Variants in HCRTR2 observed in about 807,000 individuals in gnomAD.
HCRTR2 encodes hypocretin receptor 2.
A neutral mutation model predicts 49.0 loss-of-function variants in HCRTR2; 22 were observed. The ratio of observed to expected loss-of-function variants is 0.45; its 90% CI spans 0.32 to 0.64. The LOEUF (loss-of-function observed/expected upper bound fraction) is 0.64, where lower values mean the gene tolerates loss of function less well. Among genes scored for constraint, HCRTR2 ranks in the 30% least tolerant of loss-of-function variants. The pLI is 0.04. For missense variants in HCRTR2, 491 were observed against 559.4 expected (o/e 0.88, Z 1.23); for synonymous variants, 236 against 205.3 (o/e 1.15, Z -1.28).
At chr6:55,164,399 A>G (rs939858725) in intron 1 of HCRTR2, among the ~76,000 whole-genome samples, 1 of 152,222 alleles carries the variant, frequency 6.6e-6, no homozygotes, top group Non-Finnish European at 1.5e-5. Flanking sequence ...GATAGACTAG[A>G]TTAAGAAAAT....
chr6:55,155,109 T>G (rs1764713404), intron 1 of HCRTR2, among the ~76,000 whole-genome samples: 1 of 151,852 alleles, frequency 6.6e-6, no homozygotes, highest in Non-Finnish European at 1.5e-5. Flanking sequence ...TTCCATGCCA[T>G]GGTTTGGAAG....
At chr6:55,123,685 A>G (rs988226054) in intron 1 of HCRTR2, among the ~76,000 whole-genome samples, 2 of 152,174 alleles carry the variant, frequency 1.3e-5, no homozygotes, top group Non-Finnish European at 2.9e-5. Flanking sequence ...TGTTTGGAAT[A>G]GTTTCAGAAG....
intron 1 of HCRTR2, among the ~76,000 whole-genome samples, chr6:55,108,676 G>T (rs1764008104): frequency 6.6e-6 from 1 of 152,028 alleles, no homozygotes; most frequent in South Asian, 2.1e-4. Flanking sequence ...GAAGCCCAGG[G>T]AACCCATTTC....
chr6:55,200,894 A>G (rs1449562285), intron 1 of HCRTR2, among the ~76,000 whole-genome samples: 2 of 152,078 alleles, frequency 1.3e-5, no homozygotes, highest in Non-Finnish European at 2.9e-5. Flanking sequence ...ATAGTTTAAT[A>G]TTTTGTTATC....
chr6:55,246,380 T>G (rs973969012), intron 1 of HCRTR2, among the ~76,000 whole-genome samples: 1 of 151,888 alleles, frequency 6.6e-6, no homozygotes, highest in African/African-American at 2.4e-5. Context: ...AACAAGAACT[T>G]GCTAGTAATT....
At chr6:55,198,831 T>A (rs1436135131) in intron 1 of HCRTR2, among the ~76,000 whole-genome samples, 1 of 152,212 alleles carries the variant, frequency 6.6e-6, no homozygotes, top group Non-Finnish European at 1.5e-5. Context: ...CTAGTCCCCA[T>A]ACTGCCATCA....
At chr6:55,233,493 C>G (rs1234247374) in intron 1 of HCRTR2, among the ~76,000 whole-genome samples, 1 of 152,050 alleles carries the variant, frequency 6.6e-6, no homozygotes, top group Non-Finnish European at 1.5e-5. Flanking sequence ...AGTTTGAGAC[C>G]AGCCTGGACA....
At chr6:55,145,550 A>G (rs537825633) in intron 1 of HCRTR2, among the ~76,000 whole-genome samples, 12 of 151,988 alleles carry the variant, frequency 7.9e-5, no homozygotes, top group Non-Finnish European at 1.5e-4. Context: ...AGCTGGGACT[A>G]CAGACGCCCG....
chr6:55,107,749 G>A (rs1763995185), intron 1 of HCRTR2, among the ~76,000 whole-genome samples: 3 of 151,858 alleles, frequency 2.0e-5, no homozygotes, highest in African/African-American at 7.3e-5. Context: ...ATACATCCTG[G>A]TATAGTTTTG....
At chr6:55,115,558 C>A (rs1764105476) in intron 1 of HCRTR2, among the ~76,000 whole-genome samples, 2 of 151,040 alleles carry the variant, frequency 1.3e-5, no homozygotes, top group African/African-American at 4.9e-5. Flanking sequence ...AGGTAAAGTG[C>A]TTAGCGTAGT....
chr6:55,205,302 G>A (rs1305444322), intron 1 of HCRTR2, among the ~76,000 whole-genome samples: 1 of 152,096 alleles, frequency 6.6e-6, no homozygotes, highest in African/African-American at 2.4e-5. Context: ...ATTGAGACAT[G>A]GAGTACTATC....
upstream of HCRTR2, among the ~76,000 whole-genome samples, chr6:55,172,382 G>GT (rs889029933): frequency 1.5e-4 from 22 of 149,912 alleles, no homozygotes; most frequent in South Asian, 1.5e-3. Context: ...TTGTTAGTTT[G>GT]TTTTTTTTTA....
chr6:55,265,227 C>T (rs1411579103), intron 4 of HCRTR2, among the ~76,000 whole-genome samples: 1 of 152,102 alleles, frequency 6.6e-6, no homozygotes, highest in Non-Finnish European at 1.5e-5. Flanking sequence ...TTTCTCAGCA[C>T]TCTCCACCTC....
chr6:55,188,100 T>A (rs1235782748), intron 1 of HCRTR2, among the ~76,000 whole-genome samples: 2 of 152,072 alleles, frequency 1.3e-5, no homozygotes, highest in East Asian at 1.9e-4. Flanking sequence ...AGTCTTGTGT[T>A]CCCCACTTCC....
chr6:55,167,355 T>C (rs1764891883), intron 1 of HCRTR2, among the ~76,000 whole-genome samples: 1 of 152,178 alleles, frequency 6.6e-6, no homozygotes, highest in African/African-American at 2.4e-5. Context: ...TGGAGTTCAT[T>C]GTATGTATAT....
intron 1 of HCRTR2, among the ~76,000 whole-genome samples, chr6:55,131,604 G>T (rs563604767): frequency 6.6e-6 from 1 of 151,340 alleles, no homozygotes; most frequent in Non-Finnish European, 1.5e-5. Context: ...TTAACATTTC[G>T]ACAAGCAAAA....
chr6:55,212,104 C>T (rs1765706961), intron 1 of HCRTR2, among the ~76,000 whole-genome samples: 1 of 152,160 alleles, frequency 6.6e-6, no homozygotes, highest in African/African-American at 2.4e-5. Context: ...CAAGATCATG[C>T]TGAAAAGCCA....
chr6:55,165,084 A>C (rs1351002368), intron 1 of HCRTR2, among the ~76,000 whole-genome samples: 1 of 152,210 alleles, frequency 6.6e-6, no homozygotes, highest in Non-Finnish European at 1.5e-5. Context: ...AGAATTAGTA[A>C]ATTTGAAAAC....
At chr6:55,267,776 A>G (rs1381636532) in intron 4 of HCRTR2, among the ~76,000 whole-genome samples, 4 of 152,184 alleles carry the variant, frequency 2.6e-5, no homozygotes, top group African/African-American at 7.2e-5. Context: ...CTTCTAAGGG[A>G]ACTTAAGATA....
Sources: allele counts gnomAD v4.1 joint callset (sites outside exome capture counted in the v4.1 genomes callset), GRCh38; gene constraint gnomAD v4.1.1; transcripts MANE v1.5; gene names NCBI Gene and HGNC (gene_info 2026-07-23, HGNC 2026-07-21).